Variants in SBNO2 observed in about 807,000 individuals in gnomAD.
SBNO2 encodes the protein strawberry notch homolog 2.
Under a neutral mutation model 146.3 loss-of-function variants are expected in SBNO2, and 89 were observed. That is an observed-to-expected ratio of 0.61 (90% CI 0.51 to 0.73). The LOEUF (loss-of-function observed/expected upper bound fraction) is 0.73, where lower values mean the gene tolerates loss of function less well. Among genes scored for constraint, SBNO2 ranks in the 30% least tolerant of loss-of-function variants. The probability of loss-of-function intolerance (pLI) is 0.00; values close to 1 mark genes in which losing one functional copy is unlikely to be tolerated. For missense variants in SBNO2, 2,092 were observed against 2,003.7 expected (o/e 1.04, Z -0.84); for synonymous variants, 1,147 against 892.6 (o/e 1.29, Z -5.08).
At chr19:1,115,968 G>A in intron 17 of SBNO2, 53 bp downstream of exon 17, 3 of 1,455,636 alleles carry the variant, frequency 2.1e-6, no homozygotes, top group East Asian at 2.4e-5. Flanking sequence ...CAGCCCCCGG[G>A]GGGAGAAAGC....
chr19:1,122,933 CAG>C lies in SBNO2; in HGVS notation c.739_740del (p.Leu247ValfsTer93). On this transcript the variant is annotated frameshift_variant, in exon 8 of 32. Coordinates refer to ENST00000361757, the MANE Select transcript of SBNO2 (RefSeq NM_014963.3). LOFTEE classifies it high-confidence loss of function. ...TLALPSDSGA[L>X]SALQLEAITY... ...TGATGGCCTCTAGCTGCAGGGCAGA[CAG>C]GGCCCCGCTGTCCGAGGGCAGGGCC... 2 of 1,557,354 alleles carry C rather than the reference CAG, an allele frequency of 1.3e-6. No individual in the cohort carries two copies. The highest frequency in any genetic ancestry group is 1.7e-6 in the Non-Finnish European group (2 of 1,151,226).
rs1252964511 is a variant in SBNO2, at chr19:1,109,657, G to C, written c.3123+26C>G. 6.2e-7 allele frequency: 1 copy of C among 1,605,358 alleles called. No individual in the cohort carries two copies. The highest frequency in any genetic ancestry group is 8.5e-7 in the Non-Finnish European group (1 of 1,176,342). ...GGTGGGGGCGGGGTGGGCAGAGTGT[G>C]AGGGGCTGTGGGGCTTCCTGCTGAC... On this transcript the variant is annotated intron_variant, in intron 27 of 31. Coordinates refer to ENST00000361757, the MANE Select transcript of SBNO2 (RefSeq NM_014963.3). The surrounding 1 kb of genome is among the most constrained non-coding windows in gnomAD (Gnocchi z 4.2).
intron 2 of SBNO2, 77 bp downstream of exon 2, chr19:1,154,107 C>T (rs941195308): frequency 8.7e-6 from 6 of 686,960 alleles, no homozygotes; most frequent in African/African-American, 3.7e-5. Flanking sequence ...TTCCGCACGA[C>T]GTGACCCCGG....
Position 1,124,017 on chromosome 19 carries a change from G to C in SBNO2, c.447C>G (p.Phe149Leu), listed in dbSNP as rs2079936341. Residue 149 changes from phenylalanine (F) to leucine (L), a missense_variant, in exon 6 of 32, where the codon TTC becomes TTG. Physicochemically the swap from Phe to Leu is conservative, Grantham distance 22 (BLOSUM62 0). Coordinates refer to ENST00000361757, the MANE Select transcript of SBNO2 (RefSeq NM_014963.3). ...AGCCTGCAAACGGCCTGCTGAGCTG[G>C]AACAGCTGGAAGGGGAGCAGGATGT... ...NPAPSTHDKL[F>L]QLSRPFAGFE... The C allele has an allele frequency of 1.9e-6, 3 of 1,610,888 alleles. No individual in the cohort carries two copies. The highest frequency in any genetic ancestry group is 3.3e-5 in the Admixed American group (2 of 59,740).
At chr19:1,130,887 C>G (rs57733719) in intron 4 of SBNO2, among the ~76,000 whole-genome samples, 1 of 152,204 alleles carries the variant, frequency 6.6e-6, no homozygotes, top group African/African-American at 2.4e-5. Context: ...CCCTGCTCCC[C>G]GTCCGGTCCT....
In SBNO2 at chr19:1,109,807, T is replaced by TCCAGCCCACAGTC; in HGVS notation, c.3029-31_3029-30insGACTGTGGGCTGG. 6.6e-7 allele frequency: 1 copy of TCCAGCCCACAGTC among 1,511,428 alleles called. No homozygotes were observed. The highest frequency in any genetic ancestry group is 9.0e-7 in the Non-Finnish European group (1 of 1,105,448). The allele number at this position is 1,511,428 out of a possible 1,614,324, so 93.6% of individuals were successfully genotyped here. A position where few individuals can be genotyped will look rare whatever the true frequency, so the allele number is the denominator to read the frequency against. On this transcript the variant is annotated intron_variant, in intron 26 of 31. Coordinates refer to ENST00000361757, the MANE Select transcript of SBNO2 (RefSeq NM_014963.3). The surrounding 1 kb of genome is among the most constrained non-coding windows in gnomAD (Gnocchi z 4.2). ...GGGGGCGGGTGGAGGGTAAGTGGTG[T>TCCAGCCCACAGTC]CCAGGCCTGGGACTGTGGGCTGGGG...
At chr19:1,145,473 CAAA>C (rs1223891823) in intron 4 of SBNO2, among the ~76,000 whole-genome samples, 6 of 70,876 alleles carry the variant, frequency 8.5e-5, no homozygotes, top group Non-Finnish European at 5.8e-5. Flanking sequence ...AACTCTGTCT[CAAA>C]AAAAAAAAAA....
Position 1,112,083 on chromosome 19 carries a change from A to G in SBNO2, c.2629-16T>C, listed in dbSNP as rs1317941169. 2 of 1,611,620 alleles carry G rather than the reference A, an allele frequency of 1.2e-6. No homozygotes were observed. Among genetic ancestry groups the G allele is most frequent in the Middle Eastern group, 1.7e-4 (1 of 6,054 alleles). Reference sequence around the variant, plus strand: ...TCAGGGCCCCCTGCCAGGGGTGGGGAGGCCATCAGTTGGTCACCTGGGGTC... The same window carrying G: ...TCAGGGCCCCCTGCCAGGGGTGGGGGGGCCATCAGTTGGTCACCTGGGGTC... On this transcript the variant is annotated splice_polypyrimidine_tract_variant and intron_variant, in intron 22 of 31. Transcript: ENST00000361757. The surrounding 1 kb of genome is among the most constrained non-coding windows in gnomAD (Gnocchi z 5.9).
intron 1 of SBNO2, among the ~76,000 whole-genome samples, chr19:1,172,964 G>A (rs1055184189): frequency 2.0e-5 from 3 of 150,946 alleles, no homozygotes; most frequent in Non-Finnish European, 4.4e-5. Flanking sequence ...AGCAGCCAGG[G>A]GAGGCCCCGG....
In SBNO2 at chr19:1,119,101, G is replaced by C; in HGVS notation, c.1437C>G (p.Arg479=). Residue 479 remains arginine (R), a synonymous_variant, in exon 14 of 32, where the codon CGC becomes CGG. Coordinates refer to ENST00000361757, the MANE Select transcript of SBNO2 (RefSeq NM_014963.3). ...AGGTGACGCCGGAGAAGCTGAGCTG[G>C]CGTGCGATGTACATGCCGCTGACCT... ...DMKVSGMYIA[R]QLSFSGVTFR... 3 of 1,605,168 alleles carry C rather than the reference G, an allele frequency of 1.9e-6. No homozygotes were observed. In the South Asian group the frequency reaches 3.3e-5, roughly 18 times the overall value.
At chr19:1,139,331 AGGGGAGGGAT>A (rs2080113966) in intron 4 of SBNO2, among the ~76,000 whole-genome samples, 1 of 151,246 alleles carries the variant, frequency 6.6e-6, no homozygotes, top group Admixed American at 6.6e-5. Flanking sequence ...GCGCCGGGGC[AGGGGAGGGAT>A]GGGGAGTGAC....
chr19:1,160,296 C>T (rs1276964319), intron 1 of SBNO2, among the ~76,000 whole-genome samples: 1 of 152,218 alleles, frequency 6.6e-6, no homozygotes, highest in Non-Finnish European at 1.5e-5. Context: ...GGCAGCCCCC[C>T]ACCCACTGGG....
In SBNO2 at chr19:1,112,020, G is replaced by A; in HGVS notation, c.2676C>T (p.Leu892=). The A allele has an allele frequency of 1.2e-6, 2 of 1,612,240 alleles. No homozygotes were observed. Among genetic ancestry groups the A allele is most frequent in the Non-Finnish European group, 1.7e-6 (2 of 1,179,728 alleles). Residue 892 remains leucine, a synonymous_variant, in exon 23 of 32, where the codon CTC becomes CTT. Coordinates refer to ENST00000361757, the MANE Select transcript of SBNO2 (RefSeq NM_014963.3). The surrounding 1 kb of genome is among the most constrained non-coding windows in gnomAD (Gnocchi z 5.9). Reference sequence around the variant, plus strand: ...CCTTGTTCTCAAAGTTGTACTTGCTGAGGTCACGGGACTCCGTGGCGCGGC... The same window carrying A: ...CCTTGTTCTCAAAGTTGTACTTGCTAAGGTCACGGGACTCCGTGGCGCGGC... The part of the protein sequence containing the change: ...GDRRATESRD[L]SKYNFENKYG...
intron 4 of SBNO2, chr19:1,132,210 AG>A (rs1179523770): frequency 2.2e-6 from 3 of 1,353,922 alleles, no homozygotes; most frequent in Non-Finnish European, 1.9e-6. Context: ...CCGCGGCAGC[AG>A]CCCCAGCATT....
At chr19:1,131,061 C>T (rs933082273) in intron 4 of SBNO2, among the ~76,000 whole-genome samples, 1 of 152,190 alleles carries the variant, frequency 6.6e-6, no homozygotes, top group African/African-American at 2.4e-5. Context: ...ACAGTGGCTC[C>T]GTCCTCTGCC....
chr19:1,113,707 A>G lies in SBNO2; in HGVS notation c.2078-3T>C, dbSNP rs1187069072. On this transcript the variant is annotated splice_polypyrimidine_tract_variant and splice_region_variant and intron_variant, in intron 18 of 31. Transcript: ENST00000361757. Reference sequence around the variant, plus strand: ...TCTCTGCAGGAGGCACAGGGGTCCTAGGGAGGAGGTGGAGGGTCAGGGCAG... The same window carrying G: ...TCTCTGCAGGAGGCACAGGGGTCCTGGGGAGGAGGTGGAGGGTCAGGGCAG... 1.3e-6 allele frequency: 2 copies of G among 1,539,582 alleles called. No homozygotes were observed. Among genetic ancestry groups the G allele is most frequent in the Non-Finnish European group, 1.7e-6 (2 of 1,145,018 alleles).
At chr19:1,168,453 G>A (rs2080446560) in intron 1 of SBNO2, among the ~76,000 whole-genome samples, 1 of 152,142 alleles carries the variant, frequency 6.6e-6, no homozygotes. Flanking sequence ...AAAACATTCT[G>A]GTCACAGTGA....
rs758422228 is a variant in SBNO2, at chr19:1,108,809, G to A, written c.3586C>T (p.Leu1196=). 12 of 1,603,066 alleles carry A rather than the reference G, an allele frequency of 7.5e-6. 1 individual carries two copies. Among genetic ancestry groups the A allele is most frequent in the Middle Eastern group, 1.6e-4 (1 of 6,068 alleles). The change falls in exon 31 of 32, where the codon CTG becomes TTG. Residue 1196 remains leucine, a synonymous_variant. Transcript: ENST00000361757. ...TGCTTCTTCCTGTCCTTGGTCTTCA[G>A]CCGCACGATCTGCAGGTAGCTGCTG... ...SSSSYLQIVR[L]KTKDRKKQVG... is the part of the protein sequence containing the mutation.
intron 1 of SBNO2, among the ~76,000 whole-genome samples, chr19:1,166,054 C>T (rs1354431310): frequency 1.3e-5 from 2 of 149,828 alleles, no homozygotes; most frequent in Admixed American, 6.6e-5. Context: ...ATCCCAGATC[C>T]CAGACCCCAG....
Sources: allele counts gnomAD v4.1 joint callset (sites outside exome capture counted in the v4.1 genomes callset), GRCh38; gene constraint gnomAD v4.1.1; non-coding constraint Gnocchi (gnomAD v3.1); transcripts MANE v1.5; gene names NCBI Gene and HGNC (gene_info 2026-07-23, HGNC 2026-07-21).